The following CNOT4 variants were observed in gnomAD, a reference collection of about 807,000 sequenced individuals.
CNOT4 encodes CCR4-associated factor 4.
A neutral mutation model predicts 73.8 loss-of-function variants in CNOT4; 8 were observed. That is an observed-to-expected ratio of 0.11 (90% CI 0.06 to 0.20). CNOT4 has a LOEUF of 0.20. Ranked by LOEUF, CNOT4 falls within the 10% of genes least tolerant of loss-of-function variation. CNOT4 has a pLI of 1.00. For synonymous variants in CNOT4, 293 were observed against 321.1 expected (o/e 0.91, Z 0.94); for missense variants, 564 against 883.4 (o/e 0.64, Z 4.58).
intron 10 of CNOT4, among the ~76,000 whole-genome samples, chr7:135,377,127 G>A (rs1182738666): frequency 1.3e-5 from 2 of 152,122 alleles, no homozygotes; most frequent in Non-Finnish European, 2.9e-5. Context: ...TTTAAAATAA[G>A]CATTGATACT....
chr7:135,382,578 T>C (rs1171502166), intron 10 of CNOT4, among the ~76,000 whole-genome samples: 1 of 98,096 alleles, frequency 1.0e-5, no homozygotes, highest in Non-Finnish European at 2.2e-5. Flanking sequence ...ATTAACTGAC[T>C]AGGAGAAAAA....
chr7:135,479,992 A>G (rs1802263303), intron 1 of CNOT4, among the ~76,000 whole-genome samples: 1 of 152,226 alleles, frequency 6.6e-6, no homozygotes. Flanking sequence ...AGTATAAGAA[A>G]CATTAAAAGT....
At chr7:135,378,949 C>T (rs1037752649) in intron 10 of CNOT4, among the ~76,000 whole-genome samples, 1 of 143,734 alleles carries the variant, frequency 7.0e-6, no homozygotes, top group Non-Finnish European at 1.5e-5. Context: ...TGCGCCACTG[C>T]ACTCCAATCT....
intron 1 of CNOT4, among the ~76,000 whole-genome samples, chr7:135,473,222 C>A (rs1169106382): frequency 6.6e-6 from 1 of 151,960 alleles, no homozygotes; most frequent in African/African-American, 2.4e-5. Flanking sequence ...TATAAGTATT[C>A]CTTATTTTCT....
At chr7:135,469,086 T>G (rs1249544814) in intron 1 of CNOT4, among the ~76,000 whole-genome samples, 2 of 152,138 alleles carry the variant, frequency 1.3e-5, no homozygotes, top group Non-Finnish European at 2.9e-5. Flanking sequence ...GGAGGATAGA[T>G]AATTATTGAT....
intron 1 of CNOT4, among the ~76,000 whole-genome samples, chr7:135,506,152 T>G (rs926388716): frequency 6.6e-6 from 1 of 152,228 alleles, no homozygotes; most frequent in Non-Finnish European, 1.5e-5. Flanking sequence ...TCCTAATATC[T>G]TTGAGGTAAC....
At chr7:135,458,377 T>C (rs1800673421) in intron 1 of CNOT4, among the ~76,000 whole-genome samples, 1 of 152,128 alleles carries the variant, frequency 6.6e-6, no homozygotes, top group South Asian at 2.1e-4. Context: ...TGCCTTGATG[T>C]TGATGGCTGC....
intron 1 of CNOT4, 45 bp from the exon 2 acceptor site, chr7:135,438,468 G>A: frequency 1.7e-6 from 1 of 587,160 alleles, no homozygotes. Flanking sequence ...CTGGAAAAAT[G>A]GCACAGTCAA....
At chr7:135,404,406 C>T (rs1231111942) in intron 7 of CNOT4, among the ~76,000 whole-genome samples, 6 of 152,122 alleles carry the variant, frequency 3.9e-5, no homozygotes, top group African/African-American at 1.4e-4. Flanking sequence ...GCCCTCTACA[C>T]CAATATTTAA....
intron 10 of CNOT4, among the ~76,000 whole-genome samples, chr7:135,384,037 G>C (rs1795982698): frequency 6.6e-6 from 1 of 152,046 alleles, no homozygotes; most frequent in Non-Finnish European, 1.5e-5. Context: ...TCTTTAAGCT[G>C]ACTCTTATCT....
rs1477357782 is a variant in CNOT4 at position 135,362,989 on chromosome 7, G to A, written c.2038C>T (p.Pro680Ser). The change falls in exon 12 of 12, where the codon CCT becomes TCT. Residue 680 changes from proline (P) to serine (S), a missense_variant. By Grantham distance (74) the Pro-to-Ser change is moderately conservative. Coordinates refer to ENST00000541284, the MANE Select transcript of CNOT4 (RefSeq NM_001190850.2). Reference sequence around the variant, plus strand: ...GGGGGTGGGGAGTGGAAGCTGGAAGGGTTTGAAGGAGGAGGGTAGGGATTC... The same window carrying A: ...GGGGGTGGGGAGTGGAAGCTGGAAGAGTTTGAAGGAGGAGGGTAGGGATTC... Reference protein sequence around the residue: ...SWNPYPPPSNPSSFHSPPPGF... With the variant: ...SWNPYPPPSNSSSFHSPPPGF... 6.2e-7 allele frequency: 1 copy of A among 1,613,892 alleles called. No individual in the cohort carries two copies.
chr7:135,420,023 G>A (rs1182351561), intron 3 of CNOT4, among the ~76,000 whole-genome samples: 1 of 130,802 alleles, frequency 7.6e-6, no homozygotes, highest in African/African-American at 3.0e-5. Context: ...CTGCACTCCA[G>A]CCTGGGCAAA....
chr7:135,504,486 T>A (rs10262541), intron 1 of CNOT4, among the ~76,000 whole-genome samples: 11 of 61,934 alleles, frequency 1.8e-4, no homozygotes, highest in Admixed American at 1.4e-3. Context: ...TTTTTTTTTT[T>A]TTTATTTTTA....
intron 1 of CNOT4, among the ~76,000 whole-genome samples, chr7:135,503,742 C>G (rs1459292947): frequency 6.6e-6 from 1 of 152,014 alleles, no homozygotes; most frequent in Non-Finnish European, 1.5e-5. Flanking sequence ...TAATTCTCAT[C>G]TAAGAATTAA....
At chr7:135,498,667 G>T (rs1197253198) in intron 1 of CNOT4, among the ~76,000 whole-genome samples, 1 of 152,236 alleles carries the variant, frequency 6.6e-6, no homozygotes, top group Non-Finnish European at 1.5e-5. Context: ...TCCTGCCTCA[G>T]CCTCCTGAGT....
chr7:135,446,986 G>A (rs572611465), intron 1 of CNOT4, among the ~76,000 whole-genome samples: 1 of 145,978 alleles, frequency 6.9e-6, no homozygotes, highest in African/African-American at 2.4e-5. Context: ...CCACTAGAAT[G>A]GAAACTTCAG....
At chr7:135,505,552 G>A (rs1449973087) in intron 1 of CNOT4, among the ~76,000 whole-genome samples, 2 of 151,934 alleles carry the variant, frequency 1.3e-5, no homozygotes, top group East Asian at 3.9e-4. Context: ...ACTCCGTCTT[G>A]GGGAGTAGCG....
intron 1 of CNOT4, among the ~76,000 whole-genome samples, chr7:135,487,174 G>T: frequency 6.7e-6 from 1 of 150,224 alleles, no homozygotes; most frequent in African/African-American, 2.5e-5. Flanking sequence ...AAAAGTTTTA[G>T]CTTGTTGGCC....
chr7:135,449,018 A>G (rs887340574), intron 1 of CNOT4, among the ~76,000 whole-genome samples: 2 of 152,192 alleles, frequency 1.3e-5, no homozygotes, highest in African/African-American at 4.8e-5. Flanking sequence ...CAGGAGAGAG[A>G]GGGAAAGGGA....
Sources: allele counts gnomAD v4.1 joint callset (sites outside exome capture counted in the v4.1 genomes callset), GRCh38; gene constraint gnomAD v4.1.1; transcripts MANE v1.5; gene names NCBI Gene and HGNC (gene_info 2026-07-23, HGNC 2026-07-21).